METTL15: variants seen among roughly 807,000 people sequenced by gnomAD.
METTL15 encodes 12S rRNA N(4)-cytidine methyltransferase METTL15.
In METTL15, 34 loss-of-function variants were observed where a neutral mutation model predicts 38.3. The ratio of observed to expected loss-of-function variants is 0.89; its 90% CI spans 0.68 to 1.18. METTL15 has a LOEUF of 1.18. Among genes scored for constraint, METTL15 ranks in the 50% most tolerant of loss-of-function variants. METTL15 has a pLI of 0.00. For synonymous variants in METTL15, 162 were observed against 170.9 expected (o/e 0.95, Z 0.41); for missense variants, 438 against 498.4 (o/e 0.88, Z 1.15).
At chr11:28,475,454 G>A (rs1220388106) in intron 6 of METTL15, among the ~76,000 whole-genome samples, 1 of 152,112 alleles carries the variant, frequency 6.6e-6, no homozygotes, top group African/African-American at 2.4e-5. Context: ...TAAACTTCAG[G>A]AAAATAGAAA....
chr11:28,359,182 G>A (rs927522002), intron 4 of METTL15, among the ~76,000 whole-genome samples: 1 of 152,174 alleles, frequency 6.6e-6, no homozygotes, highest in Non-Finnish European at 1.5e-5. Flanking sequence ...AGAACATGTG[G>A]TGTTTGGTTT....
intron 6 of METTL15, among the ~76,000 whole-genome samples, chr11:28,433,132 G>A (rs753614677): frequency 1.6e-4 from 24 of 150,258 alleles, no homozygotes; most frequent in Admixed American, 6.0e-4. Flanking sequence ...CCTTGCCTTC[G>A]CCTTGCAGGA....
At chr11:28,216,351 T>C (rs749611072) in intron 4 of METTL15, among the ~76,000 whole-genome samples, 2 of 152,104 alleles carry the variant, frequency 1.3e-5, no homozygotes, top group Non-Finnish European at 2.9e-5. Flanking sequence ...TAATTGAAGA[T>C]TAAAATATTT....
intron 5 of METTL15, among the ~76,000 whole-genome samples, chr11:28,423,805 ATGACTG>A (rs1850841660): frequency 6.6e-6 from 1 of 152,004 alleles, no homozygotes; most frequent in Non-Finnish European, 1.5e-5. Flanking sequence ...GCACAACAGG[ATGACTG>A]TAATTAATAA....
At chr11:28,412,558 C>G (rs1343185473) in intron 5 of METTL15, among the ~76,000 whole-genome samples, 1 of 151,736 alleles carries the variant, frequency 6.6e-6, no homozygotes, top group Non-Finnish European at 1.5e-5. Flanking sequence ...GGTTATTCAG[C>G]CTTAAAAAGA....
intron 6 of METTL15, among the ~76,000 whole-genome samples, chr11:28,316,553 G>C (rs999217142): frequency 2.0e-5 from 3 of 152,174 alleles, no homozygotes; most frequent in African/African-American, 7.2e-5. Context: ...TAAGAGTTTG[G>C]GGGACTGTTG....
At chr11:28,528,135 C>G (rs1368131670), downstream of METTL15, among the ~76,000 whole-genome samples, 1 of 152,082 alleles carries the variant, frequency 6.6e-6, no homozygotes, top group Non-Finnish European at 1.5e-5. Context: ...CCATGTTAAA[C>G]CTGAGTTATG....
At chr11:28,205,823 A>C (rs1201641218) in intron 3 of METTL15, among the ~76,000 whole-genome samples, 2 of 147,714 alleles carry the variant, frequency 1.4e-5, no homozygotes, top group African/African-American at 5.1e-5. Flanking sequence ...ATGGTATCTC[A>C]TTGTGGTTTT....
At chr11:28,422,957 G>A (rs1850833513) in intron 5 of METTL15, among the ~76,000 whole-genome samples, 6 of 151,870 alleles carry the variant, frequency 4.0e-5, no homozygotes, top group Admixed American at 3.9e-4. Flanking sequence ...CTAACAAGGG[G>A]TTAAAAAATG....
intron 6 of METTL15, among the ~76,000 whole-genome samples, chr11:28,322,947 A>G (rs558917724): frequency 1.3e-5 from 2 of 152,310 alleles, no homozygotes; most frequent in African/African-American, 4.8e-5. Flanking sequence ...ATTATAATGC[A>G]TTTATACAAC....
chr11:28,351,850 C>T (rs536244397), intron 3 of METTL15, among the ~76,000 whole-genome samples: 1 of 152,180 alleles, frequency 6.6e-6, no homozygotes, highest in Non-Finnish European at 1.5e-5. Context: ...CCAAAGGTTG[C>T]AAGAGACTGT....
rs1039136691 is a variant in METTL15 at position 28,266,669 on chromosome 11, G to A, written c.408-23537G>A. On this transcript the variant is annotated intron_variant, in intron 4 of 6. Transcript: ENST00000407364. ...CTTCAAAATATATTATTAGGACATA[G>A]ACTGCACCACCTCTACTGGTACCAC... Among the ~76,000 whole-genome samples the A allele has an allele frequency of 2.6e-5, 4 of 152,026 alleles. No homozygotes were observed. In the East Asian group the frequency reaches 7.7e-4, roughly 29 times the overall value.
At chr11:28,302,205 A>G (rs1856937225) in intron 6 of METTL15, among the ~76,000 whole-genome samples, 1 of 152,130 alleles carries the variant, frequency 6.6e-6, no homozygotes, top group South Asian at 2.1e-4. Context: ...AGGTGTAAGC[A>G]ACTGCTCCTG....
chr11:28,376,325 C>G (rs1343938923), intron 5 of METTL15, among the ~76,000 whole-genome samples: 1 of 151,796 alleles, frequency 6.6e-6, no homozygotes, highest in Non-Finnish European at 1.5e-5. Flanking sequence ...GGTCTCAGGA[C>G]TTGCTTTATG....
intron 3 of METTL15, among the ~76,000 whole-genome samples, chr11:28,205,044 G>T (rs1398675420): frequency 6.6e-6 from 1 of 151,766 alleles, no homozygotes; most frequent in South Asian, 2.1e-4. Context: ...ATTTGTTCCT[G>T]TGCATTTCTT....
intron 4 of METTL15, among the ~76,000 whole-genome samples, chr11:28,226,890 G>A (rs1853501571): frequency 6.6e-6 from 1 of 151,810 alleles, no homozygotes; most frequent in African/African-American, 2.4e-5. Context: ...CTGTCAAAGT[G>A]AAAGAATTGT....
chr11:28,489,181 A>G (rs1258235407), intron 6 of METTL15, among the ~76,000 whole-genome samples: 1 of 152,132 alleles, frequency 6.6e-6, no homozygotes, highest in African/African-American at 2.4e-5. Flanking sequence ...AGCTGCTGGT[A>G]TAACATCCTC....
intron 6 of METTL15, among the ~76,000 whole-genome samples, chr11:28,464,515 C>T (rs1453580489): frequency 6.6e-6 from 1 of 152,120 alleles, no homozygotes; most frequent in Non-Finnish European, 1.5e-5. Context: ...CATAGTTTAC[C>T]ATCTCCAATC....
chr11:28,509,682 G>A (rs754397141), intron 6 of METTL15, among the ~76,000 whole-genome samples: 1 of 152,062 alleles, frequency 6.6e-6, no homozygotes, highest in Admixed American at 6.5e-5. Flanking sequence ...TTCTTTGTTT[G>A]TAAAATGAAG....
Sources: allele counts gnomAD v4.1 joint callset (sites outside exome capture counted in the v4.1 genomes callset), GRCh38; gene constraint gnomAD v4.1.1; transcripts MANE v1.5; gene names NCBI Gene and HGNC (gene_info 2026-07-23, HGNC 2026-07-21).